The following KIF26B variants were observed in gnomAD, a reference collection of about 807,000 sequenced individuals.
KIF26B encodes kinesin family member 26B.
KIF26B carries 63 observed loss-of-function variants against 151.2 expected under a neutral mutation model. The observed-to-expected ratio is 0.42, with a 90% CI of 0.34 to 0.51. The LOEUF is 0.51. KIF26B is among the 20% of genes least tolerant of loss of function. The probability of loss-of-function intolerance (pLI) is 0.07; values close to 1 mark genes in which losing one functional copy is unlikely to be tolerated. For synonymous variants in KIF26B, 1,357 were observed against 1,262.1 expected (o/e 1.08, Z -1.59); for missense variants, 2,813 against 2,913.6 (o/e 0.97, Z 0.79).
Position 245,564,765 on chromosome 1 carries a change from T to C in KIF26B, c.1350+23815T>C, listed in dbSNP as rs923008696. On this transcript the variant is annotated intron_variant, in intron 5 of 14. Coordinates refer to ENST00000407071, the MANE Select transcript of KIF26B (RefSeq NM_018012.4). The surrounding 1 kb of genome is among the most constrained non-coding windows in gnomAD (Gnocchi z 4.6). ...TTTTCCCACGGACCAAGGGTGGTGG[T>C]GGGGGATGATGATTTCAGGAAGATT... Among the ~76,000 whole-genome samples the C allele has an allele frequency of 6.6e-6, 1 of 152,136 alleles. No homozygotes were observed. Among genetic ancestry groups the C allele is most frequent in the Admixed American group, 6.5e-5 (1 of 15,280 alleles).
intron 9 of KIF26B, among the ~76,000 whole-genome samples, chr1:245,641,043 C>T (rs908688828): frequency 3.9e-5 from 6 of 151,992 alleles, no homozygotes; most frequent in Admixed American, 6.6e-5. Context: ...GGTAGTGATA[C>T]GTTTTCTCTG....
At chr1:245,329,832 GAGAC>G (rs1356876230) in intron 2 of KIF26B, among the ~76,000 whole-genome samples, 4 of 152,292 alleles carry the variant, frequency 2.6e-5, no homozygotes, top group African/African-American at 2.4e-5. Context: ...TATTTTTTAA[GAGAC>G]AGGCCTCACT....
intron 2 of KIF26B, among the ~76,000 whole-genome samples, chr1:245,333,325 G>A (rs78575199): frequency 0.26 from 38,991 of 152,080 alleles, 7,430 homozygotes; most frequent in African/African-American, 0.51. Context: ...ATGATGTTAA[G>A]TCGAATCAGC....
intron 3 of KIF26B, among the ~76,000 whole-genome samples, chr1:245,416,110 TACA>T (rs1674410464): frequency 2.2e-5 from 1 of 44,544 alleles, no homozygotes; most frequent in African/African-American, 1.2e-4. Flanking sequence ...CTAGTAAAAA[TACA>T]AAAAAAAAAA....
Position 245,376,285 on chromosome 1 carries a change from G to A in KIF26B, c.999+8918G>A, listed in dbSNP as rs542909568. On this transcript the variant is annotated intron_variant, in intron 3 of 14. Coordinates refer to ENST00000407071, the MANE Select transcript of KIF26B (RefSeq NM_018012.4). ...TTGGACGTTGTAGAGCAGCATGTGA[G>A]TGTTTGCTGGTATCACGTTTTATCT... Among the ~76,000 whole-genome samples, 3 of 152,320 alleles carry A rather than the reference G, an allele frequency of 2.0e-5. No individual in the cohort carries two copies. The South Asian group carries it at 6.2e-4, about 32-fold the overall frequency.
intron 2 of KIF26B, among the ~76,000 whole-genome samples, chr1:245,228,055 A>G (rs1480532983): frequency 6.6e-6 from 1 of 152,186 alleles, no homozygotes; most frequent in Non-Finnish European, 1.5e-5. Context: ...CAATGATATA[A>G]CATTCTTAGA....
At position 245,155,082 on chromosome 1, in the gene KIF26B, C is replaced by T. The variant is rs1005097570; in HGVS notation, c.-343C>T. 4.3e-5 allele frequency: 21 copies of T among 492,696 alleles called. No individual in the cohort carries two copies. Among genetic ancestry groups the T allele is most frequent in the Non-Finnish European group, 6.6e-5 (19 of 285,868 alleles). 30.5% of individuals were successfully genotyped at this position (492,696 alleles called of 1,614,324 possible). ...GGCCGCGAGCCCTGATTGTATCCCT[C>T]GCTTTCCTCGTGGGGGAGCACGGAC... is the stretch of plus-strand genomic sequence containing the variant. On this transcript the variant is annotated 5_prime_UTR_variant, in exon 1 of 15. Coordinates refer to ENST00000407071, the MANE Select transcript of KIF26B (RefSeq NM_018012.4).
intron 2 of KIF26B, among the ~76,000 whole-genome samples, chr1:245,321,613 A>G (rs764630619): frequency 6.6e-6 from 1 of 152,208 alleles, no homozygotes; most frequent in African/African-American, 2.4e-5. Context: ...ATTTGTATCC[A>G]TTGAGATGGA....
At position 245,366,902 on chromosome 1, in the gene KIF26B, C is replaced by T. The variant is rs371384388; in HGVS notation, c.534C>T (p.Asn178=). 4.1e-4 allele frequency: 664 copies of T among 1,614,050 alleles called. 7 individuals carry two copies. In the South Asian group the frequency reaches 4.5e-3, roughly 11 times the overall value. Reference sequence around the variant, plus strand: ...CCAACACCATCCGGAAGGCATGGAACGACCGGGACAACCGCTGTGACATTT... The same window carrying T: ...CCAACACCATCCGGAAGGCATGGAATGACCGGGACAACCGCTGTGACATTT... ...QVPNTIRKAW[N]DRDNRCDICA... is the part of the protein sequence containing the mutation. The change falls in exon 3 of 15, where the codon AAC becomes AAT. Residue 178 remains asparagine (N), a synonymous_variant. Transcript: ENST00000407071.
chr1:245,401,075 T>C (rs1014754362), intron 3 of KIF26B, among the ~76,000 whole-genome samples: 7 of 152,218 alleles, frequency 4.6e-5, no homozygotes, highest in African/African-American at 1.4e-4. Context: ...GAGATGAGAA[T>C]TGAATCTTTT....
intron 2 of KIF26B, among the ~76,000 whole-genome samples, chr1:245,189,443 T>A (rs1389861169): frequency 6.6e-6 from 1 of 152,242 alleles, no homozygotes; most frequent in Non-Finnish European, 1.5e-5. Context: ...ATTTAAAGTT[T>A]ATCTCACTGT....
At chr1:245,325,623 ATCGCT>A (rs1671974944) in intron 2 of KIF26B, among the ~76,000 whole-genome samples, 1 of 152,154 alleles carries the variant, frequency 6.6e-6, no homozygotes. Flanking sequence ...AGGCAGGAGA[ATCGCT>A]TGAACCCAGG....
At chr1:245,299,747 G>A (rs1264921277) in intron 2 of KIF26B, among the ~76,000 whole-genome samples, 4 of 152,106 alleles carry the variant, frequency 2.6e-5, no homozygotes, top group Admixed American at 6.6e-5. Context: ...GCTTTCTACC[G>A]TTCTGCTGTA....
chr1:245,661,256 G>A (rs2044134312), intron 10 of KIF26B, among the ~76,000 whole-genome samples: 1 of 152,030 alleles, frequency 6.6e-6, no homozygotes, highest in African/African-American at 2.4e-5. Flanking sequence ...CCAAAGTGCT[G>A]GAATTACAGG....
intron 9 of KIF26B, among the ~76,000 whole-genome samples, chr1:245,617,715 C>T (rs1182171240): frequency 6.6e-6 from 1 of 152,156 alleles, no homozygotes; most frequent in Non-Finnish European, 1.5e-5. Flanking sequence ...GGCCAGGAGA[C>T]ACTATTCTGA....
intron 4 of KIF26B, among the ~76,000 whole-genome samples, chr1:245,443,948 G>T (rs1393560097): frequency 5.5e-4 from 77 of 140,744 alleles, no homozygotes; most frequent in African/African-American, 1.9e-3. Flanking sequence ...CACCTAGAGC[G>T]GTCATCTCCC....
At chr1:245,212,981 A>G (rs1336028584) in intron 2 of KIF26B, among the ~76,000 whole-genome samples, 1 of 152,244 alleles carries the variant, frequency 6.6e-6, no homozygotes, top group Admixed American at 6.5e-5. Flanking sequence ...CAAGTTAATA[A>G]ACAGCATTCA....
intron 5 of KIF26B, among the ~76,000 whole-genome samples, chr1:245,573,262 G>A (rs2043083007): frequency 1.3e-5 from 2 of 152,156 alleles, no homozygotes; most frequent in Non-Finnish European, 2.9e-5. Context: ...AGCGGCTCAC[G>A]CCTGTAATCC....
rs12134514 is a variant in KIF26B at position 245,400,880 on chromosome 1, C to G, written c.1000-18699C>G. On this transcript the variant is annotated intron_variant, in intron 3 of 14. Transcript: ENST00000407071. Reference sequence around the variant, plus strand: ...TATATTTCTGTTGGAAAGCTCAGCTCTAGAAGGAAAGAAAATACATAAAAA... The same window carrying G: ...TATATTTCTGTTGGAAAGCTCAGCTGTAGAAGGAAAGAAAATACATAAAAA... Among the ~76,000 whole-genome samples the G allele has an allele frequency of 4.0e-5, 6 of 151,886 alleles. No individual in the cohort carries two copies. The South Asian group carries it at 6.2e-4, about 16-fold the overall frequency.
Sources: allele counts gnomAD v4.1 joint callset (sites outside exome capture counted in the v4.1 genomes callset), GRCh38; gene constraint gnomAD v4.1.1; non-coding constraint Gnocchi (gnomAD v3.1); transcripts MANE v1.5; gene names NCBI Gene and HGNC (gene_info 2026-07-23, HGNC 2026-07-21).